The following NID1 variants were observed in gnomAD, a reference collection of about 807,000 sequenced individuals.
The protein encoded by NID1 is nidogen 1.
NID1 carries 76 observed loss-of-function variants against 130.6 expected under a neutral mutation model. The ratio of observed to expected loss-of-function variants is 0.58; its 90% CI spans 0.48 to 0.70. The LOEUF is 0.70. Among genes scored for constraint, NID1 ranks in the 30% least tolerant of loss-of-function variants. The pLI is 0.00. For missense variants in NID1, 1,517 were observed against 1,664.8 expected (o/e 0.91, Z 1.54); for synonymous variants, 665 against 675.1 (o/e 0.98, Z 0.23).
intron 4 of NID1, among the ~76,000 whole-genome samples, chr1:236,040,143 G>A (rs3768086): frequency 0.45 from 68,965 of 151,896 alleles, 16,056 homozygotes; most frequent in East Asian, 0.68. Flanking sequence ...AGAAAGGGTG[G>A]AGACAGGATG....
At chr1:236,001,106 ATTT>A (rs11352607) in intron 12 of NID1, among the ~76,000 whole-genome samples, 16 of 135,106 alleles carry the variant, frequency 1.2e-4, no homozygotes, top group Non-Finnish European at 7.9e-5. Context: ...TGGCTTTGAG[ATTT>A]TTTTTTTTTT....
At chr1:235,980,021 GA>G in intron 17 of NID1, 76 bp from the exon 18 acceptor site, 1 of 1,497,836 alleles carries the variant, frequency 6.7e-7, no homozygotes, top group Admixed American at 1.7e-5. Flanking sequence ...CAAGAGTAAT[GA>G]GGGCAAGAGT....
chr1:236,029,457 G>A (rs2102829397), intron 7 of NID1, 93 bp downstream of exon 7: 4 of 1,243,972 alleles, frequency 3.2e-6, no homozygotes, highest in Admixed American at 4.1e-5. Context: ...CCAGATCCCA[G>A]AGACAGCCCC....
intron 12 of NID1, among the ~76,000 whole-genome samples, chr1:236,007,002 G>A (rs890306717): frequency 1.3e-5 from 2 of 152,032 alleles, no homozygotes; most frequent in Admixed American, 6.6e-5. Context: ...CAGGGTTGAG[G>A]GAAAGCTTCA....
In NID1 at chr1:235,990,925, G is replaced by A. The variant is rs1300030713; in HGVS notation, c.2889C>T (p.Thr963=). The A allele has an allele frequency of 1.9e-6, 3 of 1,614,020 alleles. No homozygotes were observed. The highest frequency in any genetic ancestry group is 2.5e-6 in the Non-Finnish European group (3 of 1,180,022). ...KIERLPLEGN[T]MRKTEAKAFL... is the part of the protein sequence containing the mutation. ...ACGCCTTTGCTTCTGTCTTCCTCAT[G>A]GTATTTCCCTCCAGGGGCAGGCGCT... The change falls in exon 14 of 20, where the codon ACC becomes ACT. Residue 963 remains threonine (T), a synonymous_variant. Transcript: ENST00000264187.
chr1:236,063,153 C>CAAAAAAAAAAA (rs57769010), intron 1 of NID1, among the ~76,000 whole-genome samples: 7 of 79,694 alleles, frequency 8.8e-5, no homozygotes, highest in African/African-American at 3.2e-4. Flanking sequence ...GACTTCATCT[C>CAAAAAAAAAAA]AAAAAAAAAA....
chr1:235,979,704 G>T lies in NID1; in HGVS notation c.3509+118C>A. 2.8e-6 allele frequency: 3 copies of T among 1,086,888 alleles called. No homozygotes were observed. In the South Asian group the frequency reaches 4.2e-5, roughly 15 times the overall value. 67.3% of individuals were successfully genotyped at this position (1,086,888 alleles called of 1,614,324 possible). ...AAGGGAGAGGGGACATCTCTAGAGG[G>T]GGCATTTCTGGAGGCTCAAAAGTCA... On this transcript the variant is annotated intron_variant, in intron 18 of 19. Transcript: ENST00000264187. The surrounding 1 kb of genome is among the most constrained non-coding windows in gnomAD (Gnocchi z 4.6).
At chr1:236,026,661 A>G (rs10803234) in intron 7 of NID1, among the ~76,000 whole-genome samples, 67,808 of 151,878 alleles carry the variant, frequency 0.45, 16,654 homozygotes, top group African/African-American at 0.65. Context: ...TTTACTGAGC[A>G]TTTACTCTGT....
chr1:236,032,372 C>T, intron 6 of NID1, 29 bp downstream of exon 6: 1 of 1,608,884 alleles, frequency 6.2e-7, no homozygotes, highest in Non-Finnish European at 8.5e-7. Context: ...CTGTGTGACC[C>T]ACTAATTTTA....
chr1:236,032,651 A>G lies in NID1; in HGVS notation c.1287T>C (p.Gly429=), dbSNP rs767640827. 5 of 1,613,948 alleles carry G rather than the reference A, an allele frequency of 3.1e-6. No individual in the cohort carries two copies. Among genetic ancestry groups the G allele is most frequent in the Admixed American group, 1.7e-5 (1 of 59,954 alleles). ...CCTTGCCATTGACTCGCTGGGGGGA[A>G]CCTGAGCAAGAAAACAAAGAAAGAA... The part of the protein sequence containing the change: ...TGNGRQCVAE[G]SPQRVNGKVK... The change falls in exon 6 of 20, where the codon GGT becomes GGC. Residue 429 remains glycine, a splice_region_variant and synonymous_variant. Transcript: ENST00000264187.
At chr1:236,048,577 C>T in intron 2 of NID1, 113 bp downstream of exon 2, 4 of 1,223,934 alleles carry the variant, frequency 3.3e-6, no homozygotes, top group Non-Finnish European at 4.4e-6. Flanking sequence ...CTTTGGATTT[C>T]CTGTCTTTAT....
Position 235,990,881 on chromosome 1 carries a change from C to T in NID1, c.2928+5G>A, listed in dbSNP as rs767305592. 1.2e-6 allele frequency: 2 copies of T among 1,614,104 alleles called. No homozygotes were observed. Among genetic ancestry groups the T allele is most frequent in the Non-Finnish European group, 1.7e-6 (2 of 1,179,992 alleles). On this transcript the variant is annotated splice_donor_5th_base_variant and intron_variant, in intron 14 of 19. Coordinates refer to ENST00000264187, the MANE Select transcript of NID1 (RefSeq NM_002508.3). ...TGTCACCAGGTATAATCAGCCAGCA[C>T]TCACCGGGACATGAAGGAACGCCTT...
chr1:236,013,440 C>T lies in NID1; in HGVS notation c.2375G>A (p.Gly792Asp), dbSNP rs1658491344. Residue 792 changes from glycine to aspartate, a missense_variant, in exon 11 of 20, where the codon GGC becomes GAC. Transcript: ENST00000264187. ...GSSYTCSCLPGFSGDGQACQD... is the reference protein window; with the variant it reads ...GSSYTCSCLPDFSGDGQACQD... ...GCAGGCTTGGCCATCCCCAGAAAAG[C>T]CTGGCAAGCAGGAACAGGTGTAGGA... 6.2e-7 allele frequency: 1 copy of T among 1,614,016 alleles called. No individual in the cohort carries two copies. The highest frequency in any genetic ancestry group is 8.5e-7 in the Non-Finnish European group (1 of 1,180,006).
intron 1 of NID1, among the ~76,000 whole-genome samples, chr1:236,056,035 A>G (rs1572624229): frequency 6.6e-6 from 1 of 152,208 alleles, no homozygotes; most frequent in Non-Finnish European, 1.5e-5. Flanking sequence ...AGAACACACA[A>G]TGAGACAAGG....
chr1:235,978,490 G>A (rs192608013), intron 19 of NID1, among the ~76,000 whole-genome samples: 1 of 152,230 alleles, frequency 6.6e-6, no homozygotes, highest in Non-Finnish European at 1.5e-5. Context: ...GCTTCAGTTT[G>A]CTTATTTATG....
chr1:235,978,350 CAGA>C (rs1438873127), intron 19 of NID1, among the ~76,000 whole-genome samples: 6 of 152,148 alleles, frequency 3.9e-5, no homozygotes, highest in Non-Finnish European at 7.3e-5. Flanking sequence ...TTCACACTGA[CAGA>C]AGAAGATGAG....
intron 12 of NID1, among the ~76,000 whole-genome samples, chr1:235,997,202 T>C (rs979403079): frequency 2.5e-4 from 38 of 152,196 alleles, no homozygotes; most frequent in African/African-American, 8.9e-4. Context: ...CTCAACTGAC[T>C]TCTCCTGTTA....
intron 8 of NID1, 135 bp downstream of exon 8, chr1:236,025,761 T>C: frequency 7.9e-7 from 1 of 1,258,154 alleles, no homozygotes; most frequent in Non-Finnish European, 1.1e-6. Context: ...CAAGACATTC[T>C]TTTTTTCCTG....
At chr1:236,037,513 C>T (rs927330389) in intron 5 of NID1, among the ~76,000 whole-genome samples, 2 of 152,090 alleles carry the variant, frequency 1.3e-5, no homozygotes, top group African/African-American at 4.8e-5. Context: ...CAAAAATTAG[C>T]TGGGTTTGGT....
Sources: allele counts gnomAD v4.1 joint callset (sites outside exome capture counted in the v4.1 genomes callset), GRCh38; gene constraint gnomAD v4.1.1; non-coding constraint Gnocchi (gnomAD v3.1); transcripts MANE v1.5; gene names NCBI Gene and HGNC (gene_info 2026-07-23, HGNC 2026-07-21).